The following SEBOX variants were observed in gnomAD, a reference collection of about 807,000 sequenced individuals.
SEBOX encodes the protein SEBOX homeobox, also known as homeobox protein SEBOX.
In SEBOX, 10 loss-of-function variants were observed where a neutral mutation model predicts 7.8. The observed-to-expected ratio is 1.28, with a 90% CI of 0.79 to 2.17. The LOEUF (loss-of-function observed/expected upper bound fraction) is 2.17. Among genes scored for constraint, SEBOX ranks in the 30% most tolerant of loss-of-function variants. SEBOX has a pLI of 0.00. For missense variants in SEBOX, 240 were observed against 239.5 expected (o/e 1.00, Z -0.01); for synonymous variants, 98 against 91.5 (o/e 1.07, Z -0.40).
In SEBOX at chr17:28,364,303, C is replaced by A; in HGVS notation, c.538G>T (p.Ala180Ser). ...TCCACATTGACGACAATGGCCAAGG[C>A]ATAGATGAGGTCAGACAGGCTGCCT... ...SLGSLSDLIY[A>S]LAIVVNVDHS The change falls in exon 3 of 3, where the codon GCC (alanine) becomes TCC (serine). Residue 180 changes from alanine (A) to serine (S), a missense_variant. Transcript: ENST00000536498. The A allele has an allele frequency of 6.2e-7, 1 of 1,606,110 alleles. No homozygotes were observed. The highest frequency in any genetic ancestry group is 2.2e-5 in the East Asian group (1 of 44,554).
In SEBOX at chr17:28,364,213, G is replaced by A; in HGVS notation, c.*55C>T. On this transcript the variant is annotated 3_prime_UTR_variant, in exon 3 of 3. Transcript: ENST00000536498. ...CTTCTGATGTGTTCAATCCCAGGAG[G>A]GGCAGGGTGGGCCACAGGAGTCAGA... The A allele has an allele frequency of 6.6e-7, 1 of 1,524,280 alleles. No homozygotes were observed. Among genetic ancestry groups the A allele is most frequent in the Non-Finnish European group, 8.9e-7 (1 of 1,124,534 alleles). 94.4% of individuals were successfully genotyped at this position (1,524,280 alleles called of 1,614,324 possible). A position where few individuals can be genotyped will look rare whatever the true frequency, so the allele number is the denominator to read the frequency against.
intron 1 of SEBOX, 61 bp downstream of exon 1, chr17:28,365,060 C>A: frequency 6.3e-7 from 1 of 1,579,898 alleles, no homozygotes. Flanking sequence ...CCCTCTCCAA[C>A]CGTCCTCATC....
Position 28,364,953 on chromosome 17 carries a change from C to T in SEBOX, c.34G>A (p.Gly12Ser), listed in dbSNP as rs782680810. The change falls in exon 2 of 3, where the codon GGT (glycine) becomes AGT (serine). Residue 12 changes from glycine (G) to serine (S), a missense_variant and splice_region_variant. Coordinates refer to ENST00000536498, the MANE Select transcript of SEBOX (RefSeq NM_001080837.4). ...CGGTGGGAACCCAACCCGCTGCCAC[C>T]GTCTGCAGGCCATGGTGGGGGTCAA... is the stretch of plus-strand genomic sequence containing the variant. ...PSPVDASSAD[G>S]GSGLGSHRRK... The T allele has an allele frequency of 4.8e-5, 78 of 1,608,852 alleles. 2 individuals carry two copies. Among genetic ancestry groups the T allele is most frequent in the South Asian group, 4.8e-4 (43 of 90,264 alleles).
In SEBOX at chr17:28,364,789, G is replaced by C; in HGVS notation, c.192+6C>G. ...GTTGGCTGTGTGAGAAGGGGTCACA[G>C]CTCACCTGTACCTTGGCCTCAGGAA... On this transcript the variant is annotated splice_donor_region_variant and intron_variant, in intron 2 of 2. Transcript: ENST00000536498. The C allele has an allele frequency of 6.2e-7, 1 of 1,613,828 alleles. No homozygotes were observed. The highest frequency in any genetic ancestry group is 8.5e-7 in the Non-Finnish European group (1 of 1,179,826).
In SEBOX at chr17:28,364,219, G is replaced by A; in HGVS notation, c.*49C>T. ...ATGTGTTCAATCCCAGGAGGGGCAG[G>A]GTGGGCCACAGGAGTCAGAGGAGGG... On this transcript the variant is annotated 3_prime_UTR_variant, in exon 3 of 3. Transcript: ENST00000536498. The A allele has an allele frequency of 6.5e-7, 1 of 1,545,682 alleles. No homozygotes were observed. The highest frequency in any genetic ancestry group is 8.8e-7 in the Non-Finnish European group (1 of 1,139,970).
Position 28,364,230 on chromosome 17 carries a change from G to A in SEBOX, c.*38C>T. 1.3e-6 allele frequency: 2 copies of A among 1,566,606 alleles called. No individual in the cohort carries two copies. The highest frequency in any genetic ancestry group is 1.7e-6 in the Non-Finnish European group (2 of 1,152,936). Reference sequence around the variant, plus strand: ...CCCAGGAGGGGCAGGGTGGGCCACAGGAGTCAGAGGAGGGGCCTTGCAAGT... The same window carrying A: ...CCCAGGAGGGGCAGGGTGGGCCACAAGAGTCAGAGGAGGGGCCTTGCAAGT... On this transcript the variant is annotated 3_prime_UTR_variant, in exon 3 of 3. Coordinates refer to ENST00000536498, the MANE Select transcript of SEBOX (RefSeq NM_001080837.4).
chr17:28,364,737 C>T (rs2067894256), intron 2 of SEBOX, 58 bp downstream of exon 2: 10 of 1,602,754 alleles, frequency 6.2e-6, no homozygotes, highest in African/African-American at 1.3e-5. Flanking sequence ...GGCTACCCAG[C>T]GAAGGGGCTG....
chr17:28,363,911 A>G lies in SEBOX; in HGVS notation c.*357T>C, dbSNP rs2067884234. Among the ~76,000 whole-genome samples, 1 of 152,162 alleles carries G rather than the reference A, an allele frequency of 6.6e-6. No individual in the cohort carries two copies. Among genetic ancestry groups the G allele is most frequent in the African/African-American group, 2.4e-5 (1 of 41,442 alleles). ...AGGAGACAGGAGCCTGCCCCTTCAG[A>G]AGGAGGAGGCCATCAGCTGGTGAGA... On this transcript the variant is annotated 3_prime_UTR_variant, in exon 3 of 3. Coordinates refer to ENST00000536498, the MANE Select transcript of SEBOX (RefSeq NM_001080837.4).
chr17:28,365,068 A>G, intron 1 of SEBOX, 53 bp downstream of exon 1: 5 of 1,586,206 alleles, frequency 3.2e-6, no homozygotes, highest in Non-Finnish European at 4.3e-6. Flanking sequence ...AACCGTCCTC[A>G]TCCTACCATG....
Position 28,365,184 on chromosome 17 carries a change from G to GTGCCAGAGGGCCA in SEBOX, c.-46_-34dup, listed in dbSNP as rs2067900888. Reference sequence around the variant, plus strand: ...GCAAAGGGTAAGGTGCCAGAGGGCCGTGCCAGAGGGCCATGCCAGGGCTGT... The same window carrying GTGCCAGAGGGCCA: ...GCAAAGGGTAAGGTGCCAGAGGGCCGTGCCAGAGGGCCATGCCAGAGGGCCATGCCAGGGCTGT... On this transcript the variant is annotated 5_prime_UTR_variant, in exon 1 of 3. In the 5' UTR this introduces an upstream ATG that the reference lacks. Coordinates refer to ENST00000536498, the MANE Select transcript of SEBOX (RefSeq NM_001080837.4). 5 of 1,612,082 alleles carry GTGCCAGAGGGCCA rather than the reference G, an allele frequency of 3.1e-6. No homozygotes were observed. The Admixed American group carries it at 6.7e-5, about 22-fold the overall frequency.
rs201656992 is a variant in SEBOX, at chr17:28,364,877, G to T, written c.110C>A (p.Ala37Glu). The T allele has an allele frequency of 6.2e-7, 1 of 1,613,844 alleles. No homozygotes were observed. ...GTTGGGGTAGGGCCATGCTGCAAAC[G>T]CCCTCTCCAGCTCCAGTAGCTGCCC... ...SKGQLLELER[A>E]FAAWPYPNIS... Residue 37 changes from alanine to glutamate, a missense_variant, in exon 2 of 3, where the codon GCG (alanine) becomes GAG (glutamate). Physicochemically the swap from Ala to Glu is moderately radical, Grantham distance 107. Coordinates refer to ENST00000536498, the MANE Select transcript of SEBOX (RefSeq NM_001080837.4).
Position 28,364,224 on chromosome 17 carries a change from G to A in SEBOX, c.*44C>T. On this transcript the variant is annotated 3_prime_UTR_variant, in exon 3 of 3. Transcript: ENST00000536498. ...TTCAATCCCAGGAGGGGCAGGGTGG[G>A]CCACAGGAGTCAGAGGAGGGGCCTT... is the stretch of plus-strand genomic sequence containing the variant. 5 of 1,557,296 alleles carry A rather than the reference G, an allele frequency of 3.2e-6. No homozygotes were observed. The highest frequency in any genetic ancestry group is 4.4e-6 in the Non-Finnish European group (5 of 1,147,598).
chr17:28,364,474 A>C lies in SEBOX; in HGVS notation c.367T>G (p.Ser123Ala). ...PPSSGTPQRT[S>A]VCRHSSCPAP... is the part of the protein sequence containing the mutation. ...GGACAGGAGCTATGTCGACACACTG[A>C]GGTGCGCTGAGGTGTGCCGCTGGAG... Residue 123 changes from serine to alanine, a missense_variant, in exon 3 of 3, where the codon TCA (serine) becomes GCA (alanine). Physicochemically the swap from Ser to Ala is moderately conservative, Grantham distance 99. Transcript: ENST00000536498. The C allele has an allele frequency of 6.2e-7, 1 of 1,603,540 alleles. No individual in the cohort carries two copies. The highest frequency in any genetic ancestry group is 8.5e-7 in the Non-Finnish European group (1 of 1,172,442).
In SEBOX at chr17:28,365,159, G is replaced by A. The variant is rs1555582834; in HGVS notation, c.-8C>T. 2 of 1,610,810 alleles carry A rather than the reference G, an allele frequency of 1.2e-6. No homozygotes were observed. Among genetic ancestry groups the A allele is most frequent in the African/African-American group, 1.3e-5 (1 of 74,844 alleles). On this transcript the variant is annotated 5_prime_UTR_variant, in exon 1 of 3. Transcript: ENST00000536498. ...ATCCACAGGGCTGGGCATGGAGCTGGCAAAGGGTAAGGTGCCAGAGGGCCG... is the reference window on the plus strand; with the variant it reads ...ATCCACAGGGCTGGGCATGGAGCTGACAAAGGGTAAGGTGCCAGAGGGCCG...
chr17:28,365,193 G>A lies in SEBOX; in HGVS notation c.-42C>T, dbSNP rs2067901040. The A allele has an allele frequency of 6.2e-7, 1 of 1,612,450 alleles. No homozygotes were observed. The highest frequency in any genetic ancestry group is 1.3e-5 in the African/African-American group (1 of 74,882). On this transcript the variant is annotated 5_prime_UTR_variant, in exon 1 of 3. Transcript: ENST00000536498. Reference sequence around the variant, plus strand: ...AAGGTGCCAGAGGGCCGTGCCAGAGGGCCATGCCAGGGCTGTGCCCACACC... The same window carrying A: ...AAGGTGCCAGAGGGCCGTGCCAGAGAGCCATGCCAGGGCTGTGCCCACACC...
Position 28,365,137 on chromosome 17 carries a change from C to T in SEBOX, c.15G>A (p.Val5=). The change falls in exon 1 of 3, where the codon GTG becomes GTA. Residue 5 remains valine (V), a synonymous_variant. Coordinates refer to ENST00000536498, the MANE Select transcript of SEBOX (RefSeq NM_001080837.4). ...TCAGATCACCTGCTGAGGATGCATC[C>T]ACAGGGCTGGGCATGGAGCTGGCAA... MPSP[V]DASSADGGSG... is the part of the protein sequence containing the mutation. The T allele has an allele frequency of 6.2e-7, 1 of 1,610,072 alleles. No homozygotes were observed. Among genetic ancestry groups the T allele is most frequent in the Non-Finnish European group, 8.5e-7 (1 of 1,178,118 alleles).
rs2067888539 is a variant in SEBOX at position 28,364,179 on chromosome 17, G to C, written c.*89C>G. On this transcript the variant is annotated 3_prime_UTR_variant, in exon 3 of 3. Coordinates refer to ENST00000536498, the MANE Select transcript of SEBOX (RefSeq NM_001080837.4). ...TCCCTTTGCATAAAAAGTGGGGCCA[G>C]GGAATCCACTTCTGATGTGTTCAAT... The C allele has an allele frequency of 3.1e-6, 4 of 1,280,372 alleles. No homozygotes were observed. The highest frequency in any genetic ancestry group is 1.5e-5 in the African/African-American group (1 of 66,712). The allele number at this position is 1,280,372 out of a possible 1,614,324, so 79.3% of individuals were successfully genotyped here.
Position 28,364,878 on chromosome 17 carries a change from C to T in SEBOX, c.109G>A (p.Ala37Thr). The T allele has an allele frequency of 6.2e-7, 1 of 1,613,886 alleles. No individual in the cohort carries two copies. Among genetic ancestry groups the T allele is most frequent in the Non-Finnish European group, 8.5e-7 (1 of 1,179,862 alleles). The change falls in exon 2 of 3, where the codon GCG becomes ACG. Residue 37 changes from alanine to threonine, a missense_variant. Physicochemically the swap from Ala to Thr is moderately conservative, Grantham distance 58. Coordinates refer to ENST00000536498, the MANE Select transcript of SEBOX (RefSeq NM_001080837.4). ...SKGQLLELER[A>T]FAAWPYPNIS... ...TTGGGGTAGGGCCATGCTGCAAACGCCCTCTCCAGCTCCAGTAGCTGCCCT... is the reference window on the plus strand; with the variant it reads ...TTGGGGTAGGGCCATGCTGCAAACGTCCTCTCCAGCTCCAGTAGCTGCCCT...
At position 28,364,086 on chromosome 17, in the gene SEBOX, C is replaced by G. The variant is rs1555582574; in HGVS notation, c.*182G>C. On this transcript the variant is annotated 3_prime_UTR_variant, in exon 3 of 3. Coordinates refer to ENST00000536498, the MANE Select transcript of SEBOX (RefSeq NM_001080837.4). ...CAGGCCCCAGTCTGCTTAGGACCTG[C>G]ATCTAGGCTGGCCTGGAGGCCAGTG... Among the ~76,000 whole-genome samples the G allele has an allele frequency of 1.3e-5, 2 of 152,220 alleles. No homozygotes were observed. The highest frequency in any genetic ancestry group is 1.5e-5 in the Non-Finnish European group (1 of 68,042).
Sources: allele counts gnomAD v4.1 joint callset (sites outside exome capture counted in the v4.1 genomes callset), GRCh38; gene constraint gnomAD v4.1.1; transcripts MANE v1.5; gene names NCBI Gene and HGNC (gene_info 2026-07-23, HGNC 2026-07-21).